Variants in RPS6KC1 observed in about 807,000 individuals in gnomAD.
RPS6KC1 encodes ribosomal protein S6 kinase C1.
In RPS6KC1, 54 loss-of-function variants were observed where a neutral mutation model predicts 103.8. The ratio of observed to expected loss-of-function variants is 0.52; its 90% CI spans 0.42 to 0.65. RPS6KC1 has a LOEUF of 0.65. RPS6KC1 is among the 30% of genes least tolerant of loss of function. The pLI, the probability that RPS6KC1 is intolerant of heterozygous loss-of-function variation, is 0.00. For missense variants in RPS6KC1, 1,151 were observed against 1,253.8 expected (o/e 0.92, Z 1.24); for synonymous variants, 439 against 438.7 (o/e 1.00, Z -0.01).
At chr1:213,598,962 A>G in the RPS6KC1 span, among the ~76,000 whole-genome samples, 1 of 152,320 alleles carries the variant, frequency 6.6e-6, no homozygotes, top group Non-Finnish European at 1.5e-5. Flanking sequence ...ATTATTTTAT[A>G]CAGACATTTA....
At chr1:213,614,735 A>G in the RPS6KC1 span, among the ~76,000 whole-genome samples, 1 of 152,194 alleles carries the variant, frequency 6.6e-6, no homozygotes, top group African/African-American at 2.4e-5. Flanking sequence ...AGTGTCCCAC[A>G]CTGCCCTAGA....
chr1:213,390,046 G>A, the RPS6KC1 span, among the ~76,000 whole-genome samples: 1 of 152,082 alleles, frequency 6.6e-6, no homozygotes, highest in Admixed American at 6.5e-5. Flanking sequence ...GCAATGCAAT[G>A]TTTTGCTTTC....
the RPS6KC1 span, among the ~76,000 whole-genome samples, chr1:213,447,315 A>G: frequency 6.6e-6 from 1 of 151,902 alleles, no homozygotes; most frequent in East Asian, 1.9e-4. Context: ...CGATCCTCAC[A>G]CCTTGGCCTC....
chr1:213,694,054 T>C, the RPS6KC1 span, among the ~76,000 whole-genome samples: 87 of 152,220 alleles, frequency 5.7e-4, no homozygotes, highest in Non-Finnish European at 8.8e-4. Context: ...CCAGCCAGCA[T>C]CTTCACAATA....
At chr1:213,622,438 T>C in the RPS6KC1 span, among the ~76,000 whole-genome samples, 1 of 152,060 alleles carries the variant, frequency 6.6e-6, no homozygotes, top group African/African-American at 2.4e-5. Context: ...GGCCGGACAG[T>C]AGGGCATGCT....
the RPS6KC1 span, among the ~76,000 whole-genome samples, chr1:213,355,163 A>G: frequency 2.6e-5 from 4 of 152,024 alleles, no homozygotes; most frequent in Non-Finnish European, 5.9e-5. Flanking sequence ...GTTGCAGTGA[A>G]CTGAGATCGC....
intron 8 of RPS6KC1, among the ~76,000 whole-genome samples, chr1:213,187,167 G>T (rs2092566684): frequency 6.6e-6 from 1 of 151,722 alleles, no homozygotes; most frequent in Non-Finnish European, 1.5e-5. Context: ...TTCCCAAAGT[G>T]CTGGGATTAT....
intron 1 of RPS6KC1, among the ~76,000 whole-genome samples, chr1:213,066,169 T>C (rs2078314242): frequency 6.6e-6 from 1 of 152,214 alleles, no homozygotes; most frequent in African/African-American, 2.4e-5. Flanking sequence ...TATAGACTGT[T>C]AATAATAAAA....
chr1:213,453,017 T>C, the RPS6KC1 span, among the ~76,000 whole-genome samples: 1 of 152,012 alleles, frequency 6.6e-6, no homozygotes, highest in Non-Finnish European at 1.5e-5. Context: ...GGGAAATCAA[T>C]TTGGGAAGGA....
chr1:213,352,031 A>AGAT, the RPS6KC1 span, among the ~76,000 whole-genome samples: 1 of 151,340 alleles, frequency 6.6e-6, no homozygotes, highest in East Asian at 1.9e-4. Context: ...ACGAGCTGGG[A>AGAT]GATAGAGTTT....
At chr1:213,604,030 G>C in the RPS6KC1 span, among the ~76,000 whole-genome samples, 1 of 152,042 alleles carries the variant, frequency 6.6e-6, no homozygotes, top group East Asian at 1.9e-4. Flanking sequence ...ACTATAAGTG[G>C]CTTTTATTTT....
At chr1:213,796,419 C>T in the RPS6KC1 span, among the ~76,000 whole-genome samples, 3 of 152,238 alleles carry the variant, frequency 2.0e-5, 1 homozygote, top group African/African-American at 4.8e-5. Context: ...TTGTCTTCAG[C>T]GAATCTTGAA....
chr1:213,674,424 G>A, the RPS6KC1 span, among the ~76,000 whole-genome samples: 1 of 152,184 alleles, frequency 6.6e-6, no homozygotes, highest in East Asian at 1.9e-4. Flanking sequence ...TTAGGATAAT[G>A]GCCTTAGGAT....
At chr1:213,409,119 T>A in the RPS6KC1 span, among the ~76,000 whole-genome samples, 1 of 152,076 alleles carries the variant, frequency 6.6e-6, no homozygotes, top group Non-Finnish European at 1.5e-5. Flanking sequence ...CTGCTTTCCG[T>A]TCAACCTGGT....
At chr1:213,367,408 G>T in the RPS6KC1 span, among the ~76,000 whole-genome samples, 1 of 152,172 alleles carries the variant, frequency 6.6e-6, no homozygotes, top group African/African-American at 2.4e-5. Context: ...TGTTTTCAAG[G>T]TCAAAGTCCT....
intron 6 of RPS6KC1, among the ~76,000 whole-genome samples, chr1:213,167,602 T>A (rs2091101669): frequency 6.6e-6 from 1 of 152,142 alleles, no homozygotes; most frequent in Non-Finnish European, 1.5e-5. Flanking sequence ...TCTTATATAT[T>A]TGACTCCTAC....
intron 12 of RPS6KC1, among the ~76,000 whole-genome samples, chr1:213,249,283 G>A (rs145693238): frequency 5.1e-4 from 78 of 152,214 alleles, no homozygotes; most frequent in African/African-American, 1.8e-3. Flanking sequence ...CAGAGCAATT[G>A]GCTAACTATT....
the RPS6KC1 span, among the ~76,000 whole-genome samples, chr1:213,323,230 C>A: frequency 6.6e-6 from 1 of 152,028 alleles, no homozygotes; most frequent in Non-Finnish European, 1.5e-5. Context: ...GGATAATTCC[C>A]CTGTTTTAAG....
At chr1:213,799,879 G>C in the RPS6KC1 span, among the ~76,000 whole-genome samples, 1 of 152,064 alleles carries the variant, frequency 6.6e-6, no homozygotes. Flanking sequence ...TGGCTGAAAT[G>C]ACATTCTTTT....
Sources: gnomAD v4.1 joint callset for allele counts (sites outside exome capture counted in the v4.1 genomes callset) on GRCh38, gnomAD v4.1.1 for gene constraint, MANE v1.5 for transcripts, NCBI Gene and HGNC (gene_info 2026-07-23, HGNC 2026-07-21) for gene names.